The following RBFOX1 variants were observed in gnomAD, a reference collection of about 807,000 sequenced individuals.
The protein encoded by RBFOX1 is RNA binding fox-1 homolog 1.
Under a neutral mutation model 57.7 loss-of-function variants are expected in RBFOX1, and 8 were observed. The observed-to-expected ratio is 0.14, with a 90% CI of 0.08 to 0.25. The LOEUF is 0.25. RBFOX1 is among the 10% of genes least tolerant of loss of function. RBFOX1 has a pLI of 1.00. For missense variants in RBFOX1, 611 were observed against 548.5 expected (o/e 1.11, Z -1.14); for synonymous variants, 326 against 222.4 (o/e 1.47, Z -4.15).
At chr16:7,137,383 G>C (rs1353642373) in intron 4 of RBFOX1, among the ~76,000 whole-genome samples, 2 of 152,158 alleles carry the variant, frequency 1.3e-5, no homozygotes, top group Non-Finnish European at 1.5e-5. Context: ...TGTGGGGGTA[G>C]TTTCCCCCAT....
chr16:5,538,528 G>A (rs4786701), intron 2 of RBFOX1, among the ~76,000 whole-genome samples: 28,117 of 151,668 alleles, frequency 0.19, 2,959 homozygotes, highest in South Asian at 0.36. Flanking sequence ...AGGCAGTTGT[G>A]TTTTTCGCAG....
In RBFOX1 at chr16:7,505,402, C is replaced by G. The variant is rs563708157; in HGVS notation, c.28-12745C>G. ...TGAGACCCTGGAAAAGTGAGAAACT[C>G]CATCTTCCTAAGTGCTTGATGCCGT... On this transcript the variant is annotated intron_variant, in intron 4 of 15. Transcript: ENST00000550418. Among the ~76,000 whole-genome samples, 6 of 152,276 alleles carry G rather than the reference C, an allele frequency of 3.9e-5. No homozygotes were observed. In the East Asian group the frequency reaches 1.2e-3, roughly 29 times the overall value.
chr16:6,357,912 G>A (rs1013631559), intron 2 of RBFOX1, among the ~76,000 whole-genome samples: 4 of 150,248 alleles, frequency 2.7e-5, no homozygotes, highest in Admixed American at 6.7e-5. Context: ...AGCTGAGATC[G>A]TGCCACTTCA....
At chr16:6,759,546 C>T (rs1463621366) in intron 3 of RBFOX1, among the ~76,000 whole-genome samples, 1 of 148,972 alleles carries the variant, frequency 6.7e-6, no homozygotes, top group East Asian at 2.0e-4. Context: ...GTCCATCTGA[C>T]AGTTGCTGTT....
At chr16:5,600,563 C>T (rs1241007658), downstream of RBFOX1, among the ~76,000 whole-genome samples, 1 of 151,820 alleles carries the variant, frequency 6.6e-6, no homozygotes, top group Non-Finnish European at 1.5e-5. Flanking sequence ...TGGAATGTTC[C>T]CTCCTCTTTA....
chr16:6,972,111 C>CT (rs2153570820), intron 3 of RBFOX1, among the ~76,000 whole-genome samples: 1 of 152,158 alleles, frequency 6.6e-6, no homozygotes, highest in Non-Finnish European at 1.5e-5. Flanking sequence ...AAAAAGCACA[C>CT]AACATCTAAC....
chr16:7,136,510 G>C (rs1187667248), intron 4 of RBFOX1, among the ~76,000 whole-genome samples: 1 of 150,218 alleles, frequency 6.7e-6, no homozygotes, highest in African/African-American at 2.5e-5. Context: ...GGGCTAAAGT[G>C]ATTTTCTAAC....
intron 1 of RBFOX1, among the ~76,000 whole-genome samples, chr16:6,058,649 T>A (rs1463429393): frequency 2.9e-5 from 4 of 136,218 alleles, no homozygotes; most frequent in South Asian, 2.6e-4. Context: ...CACCCATCCA[T>A]CCACCCATCC....
At chr16:5,400,214 C>G (rs527661220) in intron 1 of RBFOX1, among the ~76,000 whole-genome samples, 2 of 152,150 alleles carry the variant, frequency 1.3e-5, no homozygotes, top group East Asian at 3.9e-4. Context: ...GCCTCAGCCT[C>G]TCGAGTAACT....
chr16:5,681,859 G>A (rs137874625), intron 3 of RBFOX1, among the ~76,000 whole-genome samples: 12 of 152,266 alleles, frequency 7.9e-5, no homozygotes, highest in African/African-American at 2.9e-4. Context: ...GAGAGGGACT[G>A]ACCTGGCTGA....
At chr16:6,014,145 T>C (rs1379286250), upstream of RBFOX1, among the ~76,000 whole-genome samples, 1 of 152,162 alleles carries the variant, frequency 6.6e-6, no homozygotes, top group Non-Finnish European at 1.5e-5. Context: ...GAAATCATAA[T>C]GGTACTTACA....
chr16:6,100,578 A>G (rs2096294141), intron 1 of RBFOX1, among the ~76,000 whole-genome samples: 1 of 152,174 alleles, frequency 6.6e-6, no homozygotes, highest in Non-Finnish European at 1.5e-5. Context: ...GTTCAAGATG[A>G]TCAGTTTGGA....
At chr16:7,310,778 C>G (rs1366986236) in intron 4 of RBFOX1, among the ~76,000 whole-genome samples, 1 of 152,222 alleles carries the variant, frequency 6.6e-6, no homozygotes, top group Non-Finnish European at 1.5e-5. Flanking sequence ...ATTCATTCAC[C>G]TGTCCATCCA....
chr16:6,830,740 T>C (rs542774235), intron 3 of RBFOX1, among the ~76,000 whole-genome samples: 2 of 152,190 alleles, frequency 1.3e-5, no homozygotes, highest in South Asian at 2.1e-4. Context: ...TTCTCTACTC[T>C]TTGCATTCTG....
intron 3 of RBFOX1, among the ~76,000 whole-genome samples, chr16:5,833,512 A>AGAAAG (rs2056355746): frequency 2.0e-5 from 3 of 150,988 alleles, no homozygotes; most frequent in African/African-American, 7.4e-5. Flanking sequence ...AAAAAAAAAA[A>AGAAAG]AAAGAAAGAA....
At chr16:6,982,648 G>T (rs1256203878) in intron 3 of RBFOX1, among the ~76,000 whole-genome samples, 1 of 152,150 alleles carries the variant, frequency 6.6e-6, no homozygotes, top group African/African-American at 2.4e-5. Context: ...TTGTCACATT[G>T]AGTATTCACA....
At chr16:7,144,149 G>A (rs1292161817) in intron 4 of RBFOX1, among the ~76,000 whole-genome samples, 1 of 152,052 alleles carries the variant, frequency 6.6e-6, no homozygotes, top group Non-Finnish European at 1.5e-5. Flanking sequence ...TCTCTAGTTT[G>A]CAAAAATGAT....
chr16:5,740,460 T>C (rs1240069900), intron 3 of RBFOX1, among the ~76,000 whole-genome samples: 2 of 152,236 alleles, frequency 1.3e-5, no homozygotes, highest in Non-Finnish European at 2.9e-5. Flanking sequence ...GTGTGAATTA[T>C]CTCACTTAAC....
At chr16:5,454,971 C>CTTTCTTTCTTTA (rs1429594587) in intron 1 of RBFOX1, among the ~76,000 whole-genome samples, 1 of 75,030 alleles carries the variant, frequency 1.3e-5, no homozygotes, top group Non-Finnish European at 2.8e-5. Context: ...TTCTTTCTTT[C>CTTTCTTTCTTTA]TTTCTTTCTT....
Sources: gnomAD v4.1 joint callset for allele counts (sites outside exome capture counted in the v4.1 genomes callset) on GRCh38, gnomAD v4.1.1 for gene constraint, MANE v1.5 for transcripts, NCBI Gene and HGNC (gene_info 2026-07-23, HGNC 2026-07-21) for gene names.